Variants in RAB10 observed in about 807,000 individuals in gnomAD.
The protein encoded by RAB10 is ras-related protein Rab-10.
A neutral mutation model predicts 25.7 loss-of-function variants in RAB10; 5 were observed. The ratio of observed to expected loss-of-function variants is 0.19; its 90% CI spans 0.10 to 0.41. The LOEUF (loss-of-function observed/expected upper bound fraction) is 0.41, where lower values mean the gene tolerates loss of function less well. Among genes scored for constraint, RAB10 ranks in the 10% least tolerant of loss-of-function variants. The pLI is 1.00. For missense variants in RAB10, 103 were observed against 245.8 expected, an observed-to-expected ratio of 0.42 and a Z score of 3.89; for synonymous variants, 89 against 86.4, an observed-to-expected ratio of 1.03 and a Z score of -0.16.
chr2:26,106,961 A>G (rs1667475347), intron 2 of RAB10, among the ~76,000 whole-genome samples: 1 of 147,756 alleles, frequency 6.8e-6, no homozygotes, highest in Admixed American at 6.8e-5. Context: ...GACTACGTGA[A>G]GAGGCTGGGT....
At chr2:26,072,397 A>AGAGT (rs1193434805) in intron 1 of RAB10, among the ~76,000 whole-genome samples, 1 of 152,086 alleles carries the variant, frequency 6.6e-6, no homozygotes, top group Admixed American at 6.5e-5. Flanking sequence ...GCCTGGCGAC[A>AGAGT]GAGTGAGACT....
chr2:26,121,353 A>G (rs1667799984), intron 3 of RAB10, among the ~76,000 whole-genome samples: 1 of 151,632 alleles, frequency 6.6e-6, no homozygotes, highest in East Asian at 1.9e-4. Flanking sequence ...TTACACATGG[A>G]TATTTTTGTT....
chr2:26,089,033 A>C (rs1207873230), intron 1 of RAB10, among the ~76,000 whole-genome samples: 2 of 152,152 alleles, frequency 1.3e-5, no homozygotes, highest in Admixed American at 6.5e-5. Context: ...TAGCGCTATG[A>C]AAGTTGTGTT....
At position 26,135,802 on chromosome 2, in the gene RAB10, T is replaced by G. The variant is rs546285223; in HGVS notation, c.*781T>G. On this transcript the variant is annotated 3_prime_UTR_variant, in exon 6 of 6. Transcript: ENST00000264710. ...TCCTTGCGTCTCCCTGCATGCTGCT[T>G]TATTTGCTTCTCCCTCCCCAACCAC... is the stretch of plus-strand genomic sequence containing the variant. 1 of 152,674 alleles carries G rather than the reference T, an allele frequency of 6.5e-6. No homozygotes were observed. Among genetic ancestry groups the G allele is most frequent in the Admixed American group, 6.5e-5 (1 of 15,274 alleles). The allele number at this position is 152,674 out of a possible 1,614,324, so 9.5% of individuals were successfully genotyped here.
intron 1 of RAB10, among the ~76,000 whole-genome samples, chr2:26,063,802 C>A (rs958120706): frequency 6.6e-6 from 1 of 151,990 alleles, no homozygotes; most frequent in Non-Finnish European, 1.5e-5. Flanking sequence ...GTTTTCTCAC[C>A]ATTTTTTTTG....
intron 1 of RAB10, among the ~76,000 whole-genome samples, chr2:26,073,174 G>A (rs957377780): frequency 6.6e-6 from 1 of 152,174 alleles, no homozygotes; most frequent in African/African-American, 2.4e-5. Flanking sequence ...TTTGATTTGG[G>A]AATAGTGTTG....
chr2:26,116,618 G>A (rs1278230530), intron 3 of RAB10, among the ~76,000 whole-genome samples: 6 of 127,260 alleles, frequency 4.7e-5, no homozygotes, highest in African/African-American at 1.5e-4. Context: ...GTGCAGTGGC[G>A]CTGTCTCAGC....
intron 1 of RAB10, among the ~76,000 whole-genome samples, chr2:26,040,017 G>T (rs546309228): frequency 4.1e-4 from 62 of 152,284 alleles, no homozygotes; most frequent in Non-Finnish European, 7.9e-4. Context: ...GCTACATGTG[G>T]CTTGTAGCTA....
At chr2:26,039,859 A>G (rs559794414) in intron 1 of RAB10, among the ~76,000 whole-genome samples, 1 of 152,038 alleles carries the variant, frequency 6.6e-6, no homozygotes, top group African/African-American at 2.4e-5. Context: ...TGAAAAAAAA[A>G]TTAAAATTGT....
intron 1 of RAB10, among the ~76,000 whole-genome samples, chr2:26,058,326 T>C (rs1241249670): frequency 2.0e-5 from 3 of 152,220 alleles, no homozygotes; most frequent in African/African-American, 4.8e-5. Context: ...AATTCATATA[T>C]GTCACTCTTC....
chr2:26,077,453 T>G (rs1391452219), intron 1 of RAB10, among the ~76,000 whole-genome samples: 1 of 152,222 alleles, frequency 6.6e-6, no homozygotes, highest in East Asian at 1.9e-4. Context: ...ACCTTATGAA[T>G]CTTTCTAAAA....
chr2:26,077,463 A>G (rs1035179779), intron 1 of RAB10, among the ~76,000 whole-genome samples: 1 of 152,224 alleles, frequency 6.6e-6, no homozygotes, highest in Non-Finnish European at 1.5e-5. Flanking sequence ...TCTTTCTAAA[A>G]TAATGCGTAA....
intron 5 of RAB10, 64 bp from the exon 6 acceptor site, chr2:26,134,874 G>T: frequency 7.7e-7 from 1 of 1,298,106 alleles, no homozygotes; most frequent in African/African-American, 1.5e-5. Context: ...TATTCCTGTT[G>T]AATCGTGATT....
At chr2:26,036,696 A>G (rs1468894015) in intron 1 of RAB10, among the ~76,000 whole-genome samples, 1 of 152,090 alleles carries the variant, frequency 6.6e-6, no homozygotes, top group Non-Finnish European at 1.5e-5. Flanking sequence ...AAGGACTAAT[A>G]GGAATAGAGT....
chr2:26,083,621 AC>A (rs1200064648), intron 1 of RAB10, among the ~76,000 whole-genome samples: 2 of 151,922 alleles, frequency 1.3e-5, no homozygotes, highest in East Asian at 1.9e-4. Context: ...GTGCCACCAC[AC>A]CCGGTTAATT....
chr2:26,125,719 A>AT (rs893277978), intron 3 of RAB10, among the ~76,000 whole-genome samples: 3 of 152,142 alleles, frequency 2.0e-5, no homozygotes, highest in Admixed American at 6.5e-5. Flanking sequence ...AAGTGCTGTC[A>AT]TTTTTTGTTG....
At chr2:26,042,645 TAAAC>T (rs1272910450) in intron 1 of RAB10, 2 of 151,696 alleles carry the variant, frequency 1.3e-5, no homozygotes, top group Non-Finnish European at 2.9e-5. Flanking sequence ...GATTCTGTCT[TAAAC>T]AAAAAACCCC....
Position 26,104,996 on chromosome 2 carries a change from C to CA in RAB10, c.189-4769dup, listed in dbSNP as rs1486050651. On this transcript the variant is annotated intron_variant, in intron 2 of 5. Transcript: ENST00000264710. ...TCGTGATCCACCCGCCTCGGCCTCC[C>CA]AAAGTCCTGGGATTACAGGCGTGAG... Among the ~76,000 whole-genome samples the CA allele has an allele frequency of 3.9e-5, 6 of 152,108 alleles. No individual in the cohort carries two copies. The South Asian group carries it at 1.0e-3, about 26-fold the overall frequency.
At chr2:26,060,836 A>T (rs908812417) in intron 1 of RAB10, among the ~76,000 whole-genome samples, 2 of 152,130 alleles carry the variant, frequency 1.3e-5, no homozygotes, top group South Asian at 2.1e-4. Flanking sequence ...CAAAAACACA[A>T]CAATAAAAAA....
Sources: gnomAD v4.1 joint callset for allele counts (sites outside exome capture counted in the v4.1 genomes callset) on GRCh38, gnomAD v4.1.1 for gene constraint, MANE v1.5 for transcripts, NCBI Gene and HGNC (gene_info 2026-07-23, HGNC 2026-07-21) for gene names.